DNAH7: variants seen among roughly 807,000 people sequenced by gnomAD.
The protein encoded by DNAH7 is dynein axonemal heavy chain 7, also known as axonemal beta dynein heavy chain 7.
A neutral mutation model predicts 444.6 loss-of-function variants in DNAH7; 397 were observed. The observed-to-expected ratio is 0.89, with a 90% confidence interval of 0.82 to 0.97. DNAH7 has a LOEUF of 0.97. DNAH7 is among the 50% of genes least tolerant of loss of function. The pLI, the probability that DNAH7 is intolerant of heterozygous loss-of-function variation, is 0.00. For missense variants in DNAH7, 4,902 were observed against 4,800.8 expected (o/e 1.02, Z -0.62); for synonymous variants, 1,636 against 1,624.4 (o/e 1.01, Z -0.17).
chr2:195,844,802 C>T (rs977627361), intron 47 of DNAH7, among the ~76,000 whole-genome samples, 200 bp downstream of exon 47: 3 of 152,072 alleles, frequency 2.0e-5, no homozygotes, highest in African/African-American at 7.2e-5. Context: ...TCATCTGGTT[C>T]ATTTGTTTAC....
chr2:195,982,830 G>A (rs1179845982), intron 15 of DNAH7, among the ~76,000 whole-genome samples: 1 of 152,164 alleles, frequency 6.6e-6, no homozygotes, highest in Non-Finnish European at 1.5e-5. Context: ...TGTAAGGGTA[G>A]TGGGTGGATG....
intron 64 of DNAH7, among the ~76,000 whole-genome samples, chr2:195,740,390 A>G (rs116091968): frequency 1.8e-3 from 275 of 152,236 alleles, no homozygotes; most frequent in African/African-American, 6.4e-3. Flanking sequence ...ATGACTCAAC[A>G]TTGTGTATTA....
At position 195,789,146 on chromosome 2, in the gene DNAH7, C is replaced by T. The variant is rs565840164; in HGVS notation, c.10717-1975G>A. Among the ~76,000 whole-genome samples, 8 of 152,146 alleles carry T rather than the reference C, an allele frequency of 5.3e-5. No individual in the cohort carries two copies. In the East Asian group the frequency reaches 7.7e-4, roughly 15 times the overall value. On this transcript the variant is annotated intron_variant, in intron 57 of 64. Coordinates refer to ENST00000312428, the MANE Select transcript of DNAH7 (RefSeq NM_018897.3). ...TGCCAGAAAGTAAGAGGTACTACTG[C>T]TACTAATCACCAGATAATAGAATTT...
intron 20 of DNAH7, 49 bp downstream of exon 20, chr2:195,936,550 A>C: frequency 7.6e-7 from 1 of 1,322,100 alleles, no homozygotes; most frequent in Non-Finnish European, 1.0e-6. Context: ...CTAAAAATTA[A>C]GTTTAAGCAG....
chr2:196,036,197 A>C (rs559706508), intron 5 of DNAH7, among the ~76,000 whole-genome samples: 1 of 152,074 alleles, frequency 6.6e-6, no homozygotes, highest in Non-Finnish European at 1.5e-5. Flanking sequence ...ATGCCCAGCT[A>C]ATTTTTTTGT....
At chr2:195,838,831 C>G (rs757189372) in intron 47 of DNAH7, among the ~76,000 whole-genome samples, 6 of 151,812 alleles carry the variant, frequency 4.0e-5, no homozygotes. Context: ...AGAAAACCAT[C>G]AAGGATAAAG....
intron 40 of DNAH7, among the ~76,000 whole-genome samples, chr2:195,870,855 G>A (rs1389985679): frequency 6.6e-6 from 1 of 152,142 alleles, no homozygotes; most frequent in Non-Finnish European, 1.5e-5. Context: ...AAGCCACCCA[G>A]TTTAGGTACG....
At chr2:195,964,936 C>T (rs1182220790) in intron 17 of DNAH7, among the ~76,000 whole-genome samples, 1 of 151,866 alleles carries the variant, frequency 6.6e-6, no homozygotes. Context: ...TCTTCCTTTC[C>T]AGTTTGGATG....
Position 195,737,831 on chromosome 2 carries a change from C to T in DNAH7, c.*90G>A. The T allele has an allele frequency of 1.6e-6, 2 of 1,214,334 alleles. No individual in the cohort carries two copies. Among genetic ancestry groups the T allele is most frequent in the Non-Finnish European group, 1.1e-6 (1 of 873,292 alleles). 75.2% of individuals were successfully genotyped at this position (1,214,334 alleles called of 1,614,324 possible). A position where few individuals can be genotyped will look rare whatever the true frequency, so the allele number is the denominator to read the frequency against. On this transcript the variant is annotated 3_prime_UTR_variant, in exon 65 of 65. Transcript: ENST00000312428. ...ATAACTTTAGTCAAATGTATTTAAA[C>T]AAACAAAAAAAAAGGTTTAAGTAGT... is the stretch of plus-strand genomic sequence containing the variant.
At chr2:195,963,822 T>A (rs1691278435) in intron 17 of DNAH7, among the ~76,000 whole-genome samples, 1 of 152,170 alleles carries the variant, frequency 6.6e-6, no homozygotes, top group South Asian at 2.1e-4. Flanking sequence ...CATTCTTCTG[T>A]ATATGAATAT....
In DNAH7 at chr2:195,922,150, T is replaced by C. The variant is rs1295508757; in HGVS notation, c.3873A>G (p.Gly1291=). Residue 1291 remains glycine (G), a synonymous_variant, in exon 24 of 65, where the codon GGA becomes GGG. Coordinates refer to ENST00000312428, the MANE Select transcript of DNAH7 (RefSeq NM_018897.3). ...TAGGGGAATTACCCAGATATTCATATCCATATCGCAAACCAGCATTGATCA... is the reference window on the plus strand; with the variant it reads ...TAGGGGAATTACCCAGATATTCATACCCATATCGCAAACCAGCATTGATCA... ...TKMINAGLRY[G]YEYLGNSPRL... is the part of the protein sequence containing the mutation. 7 of 1,613,472 alleles carry C rather than the reference T, an allele frequency of 4.3e-6. No individual in the cohort carries two copies. Among genetic ancestry groups the C allele is most frequent in the South Asian group, 1.1e-5 (1 of 91,070 alleles).
At chr2:195,984,277 C>A (rs920956921) in intron 15 of DNAH7, among the ~76,000 whole-genome samples, 2 of 152,196 alleles carry the variant, frequency 1.3e-5, no homozygotes, top group African/African-American at 4.8e-5. Context: ...CCAGGAGCAT[C>A]TAGCCTAAAT....
At chr2:196,043,714 GA>G (rs1218331103) in intron 5 of DNAH7, among the ~76,000 whole-genome samples, 4 of 151,312 alleles carry the variant, frequency 2.6e-5, no homozygotes, top group African/African-American at 4.9e-5. Flanking sequence ...AAATCAGGAA[GA>G]AAAAAAATCC....
intron 49 of DNAH7, among the ~76,000 whole-genome samples, chr2:195,819,299 C>A (rs1697357628): frequency 6.6e-6 from 1 of 152,168 alleles, no homozygotes; most frequent in Non-Finnish European, 1.5e-5. Context: ...GGCATATATA[C>A]CTCTCTCCCA....
chr2:195,781,202 A>G (rs1371753507), intron 58 of DNAH7, among the ~76,000 whole-genome samples: 1 of 152,220 alleles, frequency 6.6e-6, no homozygotes, highest in African/African-American at 2.4e-5. Context: ...CCCTAACCCC[A>G]TAAAAATGAA....
intron 62 of DNAH7, 95 bp from the exon 63 acceptor site, chr2:195,754,609 CA>C: frequency 7.9e-7 from 1 of 1,271,056 alleles, no homozygotes; most frequent in Non-Finnish European, 1.1e-6. Flanking sequence ...AGGCAGGGCT[CA>C]GGTGATCCTC....
At chr2:195,798,266 T>G (rs1387380054) in intron 55 of DNAH7, among the ~76,000 whole-genome samples, 3 of 152,132 alleles carry the variant, frequency 2.0e-5, no homozygotes, top group Non-Finnish European at 4.4e-5. Context: ...CCATCTACCT[T>G]ATGGAGTTGT....
chr2:195,849,998 C>G (rs569225380), intron 46 of DNAH7, among the ~76,000 whole-genome samples: 2 of 152,246 alleles, frequency 1.3e-5, no homozygotes, highest in African/African-American at 4.8e-5. Context: ...TAGCTTGAAG[C>G]TGGAGTAGGC....
At chr2:195,924,882 A>G (rs558590390) in intron 22 of DNAH7, among the ~76,000 whole-genome samples, 1 of 152,376 alleles carries the variant, frequency 6.6e-6, no homozygotes, top group Non-Finnish European at 1.5e-5. Context: ...ATAAAATTAT[A>G]GTCAACAAAA....
Sources: gnomAD v4.1 joint callset for allele counts (sites outside exome capture counted in the v4.1 genomes callset) on GRCh38, gnomAD v4.1.1 for gene constraint, MANE v1.5 for transcripts, NCBI Gene and HGNC (gene_info 2026-07-23, HGNC 2026-07-21) for gene names.